SEMA5A: variants seen among roughly 807,000 people sequenced by gnomAD.
SEMA5A encodes semaphorin-5A.
A neutral mutation model predicts 135.5 loss-of-function variants in SEMA5A; 55 were observed. The ratio of observed to expected loss-of-function variants is 0.41; its 90% CI spans 0.33 to 0.51. The LOEUF (loss-of-function observed/expected upper bound fraction) is 0.51, where lower values mean the gene tolerates loss of function less well. Among genes scored for constraint, SEMA5A ranks in the 20% least tolerant of loss-of-function variants. The pLI, the probability that SEMA5A is intolerant of heterozygous loss-of-function variation, is 0.37. For synonymous variants in SEMA5A, 580 were observed against 546.5 expected (o/e 1.06, Z -0.85); for missense variants, 1,290 against 1,419.9 (o/e 0.91, Z 1.47).
chr5:9,051,820 C>T (rs1736592377), intron 20 of SEMA5A, 53 bp downstream of exon 20: 5 of 1,603,806 alleles, frequency 3.1e-6, no homozygotes, highest in Non-Finnish European at 4.3e-6. Context: ...ATCATTTTCT[C>T]TCTCCATGTT....
At chr5:9,380,972 G>T (rs1387965411) in intron 2 of SEMA5A, among the ~76,000 whole-genome samples, 1 of 152,062 alleles carries the variant, frequency 6.6e-6, no homozygotes, top group African/African-American at 2.4e-5. Flanking sequence ...CATTGGAGGG[G>T]CAAGAGGAAG....
At chr5:9,309,061 G>A (rs977312260) in intron 5 of SEMA5A, among the ~76,000 whole-genome samples, 1 of 152,146 alleles carries the variant, frequency 6.6e-6, no homozygotes, top group African/African-American at 2.4e-5. Flanking sequence ...ACAGAAGAAA[G>A]AGTAAGTGGA....
intron 11 of SEMA5A, among the ~76,000 whole-genome samples, chr5:9,159,704 A>G (rs1211068908): frequency 6.6e-6 from 1 of 152,210 alleles, no homozygotes; most frequent in Non-Finnish European, 1.5e-5. Flanking sequence ...ATTAATGGGT[A>G]TATACTCAAA....
At chr5:9,282,969 G>A (rs554559889) in intron 5 of SEMA5A, among the ~76,000 whole-genome samples, 63 of 152,276 alleles carry the variant, frequency 4.1e-4, no homozygotes, top group African/African-American at 1.3e-3. Context: ...CTCCATAGAA[G>A]AGCCTCCAAG....
chr5:9,044,382 C>G lies in SEMA5A; in HGVS notation c.3096G>C (p.Glu1032Asp). ...ATTAAAATTCACTTACCTTGATGGC[C>G]TCCACCGAGTCGTACTTGTCCAGTT... ...INKLDKYDSV[E>D]AIKAFNKNNL... Residue 1032 changes from glutamate (E) to aspartate (D), a missense_variant, in exon 22 of 23, where the codon GAG becomes GAC. Glu to Asp is a conservative substitution (Grantham distance 45). Around this residue, in one of 3 missense-constraint regions of SEMA5A, gnomAD observed 1,029 missense variants for 1,086.6 expected, o/e 0.95. Coordinates refer to ENST00000382496, the MANE Select transcript of SEMA5A (RefSeq NM_003966.3). 1 of 1,613,018 alleles carries G rather than the reference C, an allele frequency of 6.2e-7. No individual in the cohort carries two copies. Among genetic ancestry groups the G allele is most frequent in the Non-Finnish European group, 8.5e-7 (1 of 1,179,684 alleles).
chr5:9,242,795 C>CA (rs1423603666), intron 5 of SEMA5A, among the ~76,000 whole-genome samples: 1 of 152,042 alleles, frequency 6.6e-6, no homozygotes, highest in Non-Finnish European at 1.5e-5. Context: ...TGATCAATTT[C>CA]AAAATTTAGA....
chr5:9,361,277 C>T (rs1006564917), intron 3 of SEMA5A, among the ~76,000 whole-genome samples: 3 of 143,486 alleles, frequency 2.1e-5, no homozygotes, highest in Non-Finnish European at 3.0e-5. Context: ...CCAGCCTGGG[C>T]AACAAAGCGA....
chr5:9,091,093 A>G (rs1739008284), intron 16 of SEMA5A, among the ~76,000 whole-genome samples: 1 of 152,194 alleles, frequency 6.6e-6, no homozygotes, highest in Non-Finnish European at 1.5e-5. Flanking sequence ...AGAAGCTCAC[A>G]GTAAACTCAC....
chr5:9,399,560 T>C (rs951401681), intron 2 of SEMA5A, among the ~76,000 whole-genome samples: 1 of 152,210 alleles, frequency 6.6e-6, no homozygotes, highest in African/African-American at 2.4e-5. Context: ...TACACAGCTC[T>C]GTGAATGTAT....
chr5:9,382,729 T>A (rs545122248), intron 2 of SEMA5A, among the ~76,000 whole-genome samples: 1 of 152,174 alleles, frequency 6.6e-6, no homozygotes, highest in Non-Finnish European at 1.5e-5. Flanking sequence ...TATGCATGTA[T>A]GAATTTGCAA....
chr5:9,324,002 T>C (rs1338749398), intron 4 of SEMA5A, among the ~76,000 whole-genome samples: 1 of 151,916 alleles, frequency 6.6e-6, no homozygotes, highest in African/African-American at 2.4e-5. Flanking sequence ...AGTAGTCAAA[T>C]ACCTCACTAC....
In SEMA5A at chr5:9,297,470, T is replaced by A. The variant is rs1408114061; in HGVS notation, c.270+20902A>T. Among the ~76,000 whole-genome samples the A allele has an allele frequency of 2.0e-5, 3 of 152,338 alleles. No homozygotes were observed. The East Asian group carries it at 5.8e-4, about 29-fold the overall frequency. ...TCAGTCGCCACTTCCACTATGTGTG[T>A]GCCCTCAGCAGACACTGAACCTTCA... is the stretch of plus-strand genomic sequence containing the variant. On this transcript the variant is annotated intron_variant, in intron 5 of 22. Transcript: ENST00000382496.
intron 11 of SEMA5A, among the ~76,000 whole-genome samples, chr5:9,175,167 G>T (rs1454400501): frequency 2.0e-5 from 3 of 152,070 alleles, no homozygotes. Context: ...CAAAGGAATT[G>T]CAAAGGTCAT....
chr5:9,334,817 G>A (rs1460822285), intron 4 of SEMA5A, among the ~76,000 whole-genome samples: 2 of 152,174 alleles, frequency 1.3e-5, no homozygotes, highest in Non-Finnish European at 2.9e-5. Flanking sequence ...ATAAAAGGTT[G>A]TTATTTGGAA....
At chr5:9,334,201 C>T (rs1753279787) in intron 4 of SEMA5A, among the ~76,000 whole-genome samples, 2 of 152,220 alleles carry the variant, frequency 1.3e-5, no homozygotes, top group South Asian at 4.1e-4. Context: ...TTCCACAATG[C>T]CTAGTGCTAT....
At chr5:9,492,473 G>GA (rs1735070672) in intron 1 of SEMA5A, among the ~76,000 whole-genome samples, 1 of 152,104 alleles carries the variant, frequency 6.6e-6, no homozygotes, top group Non-Finnish European at 1.5e-5. Flanking sequence ...CTGAATGGAG[G>GA]AAACCAGGCT....
intron 8 of SEMA5A, among the ~76,000 whole-genome samples, chr5:9,216,921 G>T (rs1415633018): frequency 1.3e-5 from 2 of 152,120 alleles, no homozygotes; most frequent in African/African-American, 4.8e-5. Flanking sequence ...ATTGAGTCTT[G>T]CCTCTTTCTC....
chr5:9,088,637 A>AATATATAT lies in SEMA5A; in HGVS notation c.2073+19495_2073+19502dup, dbSNP rs71611400. ...GCAGCAGCAGGAAGCCTACATTTAT[A>AATATATAT]ATATATATATATATATATATATACA... On this transcript the variant is annotated intron_variant, in intron 16 of 22. Coordinates refer to ENST00000382496, the MANE Select transcript of SEMA5A (RefSeq NM_003966.3). Among the ~76,000 whole-genome samples, 1,021 of 108,032 alleles carry AATATATAT rather than the reference A, an allele frequency of 9.5e-3. 51 individuals are homozygous for AATATATAT. The highest frequency in any genetic ancestry group is 0.038 in the African/African-American group (905 of 23,552). 70.9% of individuals were successfully genotyped at this position (108,032 alleles called of 152,430 possible). A position where few individuals can be genotyped will look rare whatever the true frequency, so the allele number is the denominator to read the frequency against.
intron 19 of SEMA5A, among the ~76,000 whole-genome samples, chr5:9,052,882 CT>C (rs1690675388): frequency 6.6e-6 from 1 of 151,954 alleles, no homozygotes; most frequent in African/African-American, 2.4e-5. Flanking sequence ...ATGCAGTTTG[CT>C]TTTTTCCCCT....
Sources: gnomAD v4.1 joint callset for allele counts (sites outside exome capture counted in the v4.1 genomes callset) on GRCh38, gnomAD v4.1.1 for gene constraint, gnomAD v4.1.1 regional missense constraint, MANE v1.5 for transcripts, NCBI Gene and HGNC (gene_info 2026-07-23, HGNC 2026-07-21) for gene names.